The following PBX3 variants were observed in gnomAD, a reference collection of about 807,000 sequenced individuals.
PBX3 encodes the protein pre-B-cell leukemia transcription factor 3.
In PBX3, 14 loss-of-function variants were observed where a neutral mutation model predicts 48.5. That is an observed-to-expected ratio of 0.29 (90% CI 0.19 to 0.45). The LOEUF (loss-of-function observed/expected upper bound fraction) is 0.45, where lower values mean the gene tolerates loss of function less well. PBX3 is among the 20% of genes least tolerant of loss of function. PBX3 has a pLI of 1.00. For missense variants in PBX3, 386 were observed against 546.7 expected (o/e 0.71, Z 2.93); for synonymous variants, 210 against 200.3 (o/e 1.05, Z -0.41).
intron 2 of PBX3, among the ~76,000 whole-genome samples, chr9:125,870,203 G>A (rs1840087142): frequency 6.6e-6 from 1 of 151,892 alleles, no homozygotes; most frequent in Admixed American, 6.6e-5. Flanking sequence ...CAAGTAGCTG[G>A]GATTGCAGGT....
At chr9:125,781,003 G>A (rs1229352859) in intron 2 of PBX3, among the ~76,000 whole-genome samples, 2 of 107,292 alleles carry the variant, frequency 1.9e-5, no homozygotes, top group Admixed American at 9.7e-5. Context: ...AGATGGGATG[G>A]CGGCCGGGCA....
intron 2 of PBX3, among the ~76,000 whole-genome samples, chr9:125,913,610 CTT>C (rs1480470260): frequency 6.6e-6 from 1 of 152,074 alleles, no homozygotes; most frequent in African/African-American, 2.4e-5. Flanking sequence ...AGCTTCTTCT[CTT>C]GTTTGCCGTA....
rs1334674169 is a variant in PBX3 at position 125,862,575 on chromosome 9, C to T, written c.275-53111C>T. On this transcript the variant is annotated intron_variant, in intron 2 of 8. Transcript: ENST00000373489. The stretch of plus-strand genomic sequence containing the variant: ...CTAATTTTTGTATTTTTAGTAGAGA[C>T]GGGGTTTCACCATGTTGGCCAGGAT... 3.9e-5 allele frequency among the ~76,000 whole-genome samples: 6 copies of T among 151,904 alleles called. No individual in the cohort carries two copies. The East Asian group carries it at 9.7e-4, about 25-fold the overall frequency.
rs998339826 is a variant in PBX3 at position 125,954,132 on chromosome 9, T to C, written c.844-6552T>C. Among the ~76,000 whole-genome samples the C allele has an allele frequency of 7.9e-5, 12 of 152,330 alleles. 1 individual carries two copies. In the East Asian group the frequency reaches 2.3e-3, roughly 29 times the overall value. ...CCCCGAAGTATGAGACCCTCTTGGG[T>C]GCCCAACAAGAGACATTATGAAATA... On this transcript the variant is annotated intron_variant, in intron 5 of 8. Transcript: ENST00000373489.
At chr9:125,867,896 G>A (rs1163813125) in intron 2 of PBX3, among the ~76,000 whole-genome samples, 2 of 151,638 alleles carry the variant, frequency 1.3e-5, no homozygotes, top group Admixed American at 1.3e-4. Flanking sequence ...TTTGTTTTGA[G>A]ACAAGGTCTT....
intron 2 of PBX3, among the ~76,000 whole-genome samples, chr9:125,864,587 A>G (rs973329861): frequency 2.6e-5 from 4 of 152,212 alleles, no homozygotes; most frequent in African/African-American, 9.7e-5. Context: ...AAACAGGGAC[A>G]GATTATCAGG....
At chr9:125,864,505 C>G (rs1412936650) in intron 2 of PBX3, among the ~76,000 whole-genome samples, 2 of 151,970 alleles carry the variant, frequency 1.3e-5, no homozygotes, top group African/African-American at 4.8e-5. Flanking sequence ...CACAACTTAC[C>G]ATAATGTAGA....
chr9:125,853,341 C>G (rs747197246), intron 2 of PBX3, among the ~76,000 whole-genome samples: 1 of 152,140 alleles, frequency 6.6e-6, no homozygotes, highest in Non-Finnish European at 1.5e-5. Context: ...GCCAAGAGGA[C>G]AGAGTCCAAA....
chr9:125,815,877 C>T (rs1388594393), intron 2 of PBX3, among the ~76,000 whole-genome samples: 1 of 152,128 alleles, frequency 6.6e-6, no homozygotes, highest in African/African-American at 2.4e-5. Flanking sequence ...AGATTTGGGC[C>T]TCCTTCACTG....
At chr9:125,823,248 T>A (rs897280786) in intron 2 of PBX3, among the ~76,000 whole-genome samples, 21 of 152,220 alleles carry the variant, frequency 1.4e-4, no homozygotes, top group Admixed American at 1.2e-3. Context: ...TTTACTTCAG[T>A]CACTGTAATA....
At chr9:125,751,657 C>T (rs1479369310) in intron 2 of PBX3, among the ~76,000 whole-genome samples, 1 of 151,956 alleles carries the variant, frequency 6.6e-6, no homozygotes, top group Non-Finnish European at 1.5e-5. Context: ...TTGAGAGCAC[C>T]CAAAAAGTTG....
At chr9:125,828,650 T>C (rs989674270) in intron 2 of PBX3, among the ~76,000 whole-genome samples, 2 of 152,276 alleles carry the variant, frequency 1.3e-5, no homozygotes, top group East Asian at 3.9e-4. Context: ...ACATAGTAAC[T>C]TTGAGCTATA....
intron 5 of PBX3, among the ~76,000 whole-genome samples, chr9:125,955,809 T>A (rs1294663599): frequency 1.3e-5 from 2 of 152,226 alleles, no homozygotes; most frequent in East Asian, 3.8e-4. Flanking sequence ...CAAGTTTTGC[T>A]AATTATTTTG....
chr9:125,858,397 G>A (rs1004459415), intron 2 of PBX3, among the ~76,000 whole-genome samples: 1 of 152,054 alleles, frequency 6.6e-6, no homozygotes, highest in African/African-American at 2.4e-5. Flanking sequence ...TGTGCATATC[G>A]TATACATATG....
chr9:125,836,581 A>G (rs1393521098), intron 2 of PBX3, among the ~76,000 whole-genome samples: 1 of 152,136 alleles, frequency 6.6e-6, no homozygotes, highest in Non-Finnish European at 1.5e-5. Flanking sequence ...AATAAGATCT[A>G]GTGTTTGGTA....
At chr9:125,768,128 G>A (rs1425854086) in intron 2 of PBX3, among the ~76,000 whole-genome samples, 1 of 151,122 alleles carries the variant, frequency 6.6e-6, no homozygotes, top group Non-Finnish European at 1.5e-5. Context: ...GTCCTTGGGG[G>A]TGGTGGGGGG....
At chr9:125,762,841 G>A (rs918222475) in intron 2 of PBX3, among the ~76,000 whole-genome samples, 1 of 152,146 alleles carries the variant, frequency 6.6e-6, no homozygotes, top group Non-Finnish European at 1.5e-5. Flanking sequence ...ACAATATTGT[G>A]AAAGAGTTTG....
At chr9:125,808,424 C>G (rs1838190964) in intron 2 of PBX3, among the ~76,000 whole-genome samples, 1 of 152,008 alleles carries the variant, frequency 6.6e-6, no homozygotes, top group Admixed American at 6.6e-5. Context: ...CCCTGTAATC[C>G]CAACACGTTG....
chr9:125,828,891 C>T (rs1838879917), intron 2 of PBX3, among the ~76,000 whole-genome samples: 1 of 152,162 alleles, frequency 6.6e-6, no homozygotes, highest in African/African-American at 2.4e-5. Flanking sequence ...CTTCTTTGTT[C>T]TAGGATAAAC....
Sources: allele counts gnomAD v4.1 joint callset (sites outside exome capture counted in the v4.1 genomes callset), GRCh38; gene constraint gnomAD v4.1.1; transcripts MANE v1.5; gene names NCBI Gene and HGNC (gene_info 2026-07-23, HGNC 2026-07-21).